Variants in CYP24A1 observed in about 807,000 individuals in gnomAD.
CYP24A1 encodes 1,25-dihydroxyvitamin D(3) 24-hydroxylase, mitochondrial.
Under a neutral mutation model 62.4 loss-of-function variants are expected in CYP24A1, and 68 were observed. The observed-to-expected ratio is 1.09, with a 90% confidence interval of 0.90 to 1.33. The LOEUF is 1.33. CYP24A1 is among the 40% of genes most tolerant of loss of function. The pLI is 0.00. For synonymous variants in CYP24A1, 267 were observed against 253.0 expected, an observed-to-expected ratio of 1.06 and a Z score of -0.52; for missense variants, 787 against 653.0, an observed-to-expected ratio of 1.21 and a Z score of -2.24.
chr20:54,173,194 G>T lies in CYP24A1; in HGVS notation c.259-95C>A. 6.5e-7 allele frequency: 1 copy of T among 1,531,452 alleles called. No individual in the cohort carries two copies. Among genetic ancestry groups the T allele is most frequent in the Non-Finnish European group, 9.0e-7 (1 of 1,116,442 alleles). 94.9% of individuals were successfully genotyped at this position (1,531,452 alleles called of 1,614,324 possible). A position where few individuals can be genotyped will look rare whatever the true frequency, so the allele number is the denominator to read the frequency against. ...CCCGCCTCCTTCCTCCTAGGGGACC[G>T]GGGACCCTCCCTGCCCAGACGCCGA... On this transcript the variant is annotated intron_variant, in intron 1 of 11. Coordinates refer to ENST00000216862, the MANE Select transcript of CYP24A1 (RefSeq NM_000782.5). The surrounding 1 kb of genome is among the most constrained non-coding windows in gnomAD (Gnocchi z 7.2).
At chr20:54,170,283 A>G (rs985205428) in intron 3 of CYP24A1, among the ~76,000 whole-genome samples, 1 of 152,248 alleles carries the variant, frequency 6.6e-6, no homozygotes, top group Non-Finnish European at 1.5e-5. Context: ...CTCACATTTA[A>G]TGAGGTCCAT....
Position 54,173,931 on chromosome 20 carries a change from TC to T in CYP24A1, c.-353del, listed in dbSNP as rs139947227. 5,879 of 373,300 alleles carry T rather than the reference TC, an allele frequency of 0.016. 65 individuals are homozygous for T. Among genetic ancestry groups the T allele is most frequent in the Middle Eastern group, 0.031 (40 of 1,300 alleles). 23.1% of individuals were successfully genotyped at this position (373,300 alleles called of 1,614,324 possible). ...GTCTGGCTGGAGCCACGGGGAGGTG[TC>T]AAGGAGGGTAGATGAGATGCTGCTG... On this transcript the variant is annotated 5_prime_UTR_variant, in exon 1 of 12. An upstream open reading frame in the 5' UTR loses its in-frame stop. Transcript: ENST00000216862. This position sits in a 1 kb window ranked among gnomAD's most constrained non-coding sequence, Gnocchi z 7.2.
chr20:54,169,798 C>T, intron 3 of CYP24A1, 110 bp from the exon 4 acceptor site: 4 of 1,553,448 alleles, frequency 2.6e-6, no homozygotes, highest in Non-Finnish European at 3.5e-6. Context: ...TATTCACTGG[C>T]CATAATGTTA....
intron 5 of CYP24A1, among the ~76,000 whole-genome samples, chr20:54,165,012 CA>C (rs2092666299): frequency 6.6e-6 from 1 of 152,160 alleles, no homozygotes; most frequent in Admixed American, 6.5e-5. Context: ...TATTTTTAAT[CA>C]ACTGATCTTT....
rs35309134 is a variant in CYP24A1, at chr20:54,171,541, C to T, written c.543+36G>A. The T allele has an allele frequency of 1.7e-4, 273 of 1,613,762 alleles. 4 individuals are homozygous for T. In the African/African-American group the frequency reaches 3.1e-3, roughly 18 times the overall value. On this transcript the variant is annotated intron_variant, in intron 3 of 11. Transcript: ENST00000216862. ...AGCTCCACCAATATCCCTATGTCCCCACGAGCCCCAGGAAAGCTGGCCCCA... is the reference window on the plus strand; with the variant it reads ...AGCTCCACCAATATCCCTATGTCCCTACGAGCCCCAGGAAAGCTGGCCCCA...
In CYP24A1 at chr20:54,154,664, G is replaced by T. The variant is rs546776255; in HGVS notation, c.*108C>A. 2.8e-4 allele frequency: 43 copies of T among 155,260 alleles called. No homozygotes were observed. Among genetic ancestry groups the T allele is most frequent in the African/African-American group, 1.0e-3 (42 of 41,598 alleles). The allele number at this position is 155,260 out of a possible 1,614,324, so 9.6% of individuals were successfully genotyped here. A position where few individuals can be genotyped will look rare whatever the true frequency, so the allele number is the denominator to read the frequency against. ...GCACCTGAAGATGGTGCTGACACAG[G>T]TGAAGTGTAAACCAGCAGTGAACCC... On this transcript the variant is annotated 3_prime_UTR_variant, in exon 12 of 12. Transcript: ENST00000216862.
chr20:54,164,435 G>C lies in CYP24A1; in HGVS notation c.844+17C>G. On this transcript the variant is annotated intron_variant, in intron 6 of 11. Coordinates refer to ENST00000216862, the MANE Select transcript of CYP24A1 (RefSeq NM_000782.5). Reference sequence around the variant, plus strand: ...TGCTGGGCTGGTTCTGGCTGGTTGTGAAGGGCGGCCCTTTACCTGATTTGA... The same window carrying C: ...TGCTGGGCTGGTTCTGGCTGGTTGTCAAGGGCGGCCCTTTACCTGATTTGA... 1.2e-6 allele frequency: 2 copies of C among 1,614,058 alleles called. No individual in the cohort carries two copies. Among genetic ancestry groups the C allele is most frequent in the Non-Finnish European group, 1.7e-6 (2 of 1,180,008 alleles).
chr20:54,173,876 T>G lies in CYP24A1; in HGVS notation c.-297A>C. On this transcript the variant is annotated 5_prime_UTR_variant, in exon 1 of 12. Transcript: ENST00000216862. The surrounding 1 kb of genome is among the most constrained non-coding windows in gnomAD (Gnocchi z 7.2). The stretch of plus-strand genomic sequence containing the variant: ...CTTGAAAAGGGAAAGCTGGGAGTCC[T>G]CCTGTTGGTCCGCAAGGCTGACCTC... 2.0e-6 allele frequency: 1 copy of G among 497,826 alleles called. No homozygotes were observed. Among genetic ancestry groups the G allele is most frequent in the South Asian group, 2.5e-5 (1 of 39,708 alleles). 30.8% of individuals were successfully genotyped at this position (497,826 alleles called of 1,614,324 possible). A position where few individuals can be genotyped will look rare whatever the true frequency, so the allele number is the denominator to read the frequency against.
At chr20:54,169,487 C>T (rs776126835) in intron 4 of CYP24A1, 105 bp downstream of exon 4, 3 of 1,582,134 alleles carry the variant, frequency 1.9e-6, no homozygotes, top group African/African-American at 1.4e-5. Context: ...TGGCCTTTCC[C>T]TAGGCAGCAA....
chr20:54,158,130 G>A lies in CYP24A1; in HGVS notation c.1192C>T (p.Leu398Phe). 1 of 1,614,006 alleles carries A rather than the reference G, an allele frequency of 6.2e-7. No homozygotes were observed. Among genetic ancestry groups the A allele is most frequent in the Non-Finnish European group, 8.5e-7 (1 of 1,180,014 alleles). ...TPSVPFTTRT[L>F]DKATVLGEYA... ...TCACCCAGAACTGTTGCCTTGTCAA[G>A]AGTCCGAGTTGTAAATGGTACACTC... The change falls in exon 9 of 12, where the codon CTT (leucine) becomes TTT (phenylalanine). Residue 398 changes from leucine (L) to phenylalanine (F), a missense_variant. Physicochemically the swap from Leu to Phe is conservative, Grantham distance 22. Transcript: ENST00000216862.
At chr20:54,155,305 A>G (rs989125636) in intron 11 of CYP24A1, among the ~76,000 whole-genome samples, 1 of 152,184 alleles carries the variant, frequency 6.6e-6, no homozygotes, top group Non-Finnish European at 1.5e-5. Context: ...CAATAAGCAA[A>G]TGCTCCTTAA....
chr20:54,170,312 C>T (rs1188885005), intron 3 of CYP24A1, among the ~76,000 whole-genome samples: 5 of 152,052 alleles, frequency 3.3e-5, no homozygotes, highest in East Asian at 1.9e-4. Flanking sequence ...AAACACTGTA[C>T]GAAGTGTATT....
rs1568965290 is a variant in CYP24A1 at position 54,157,231 on chromosome 20, G to A, written c.1493C>T (p.Ser498Leu). The A allele has an allele frequency of 3.1e-6, 5 of 1,613,550 alleles. 1 individual carries two copies. The South Asian group carries it at 5.5e-5, about 18-fold the overall frequency. ...TDNEPVEMLH[S>L]GTLVPSRELP... ...TTCCCGGCTGGGCACCAGGGTGCCT[G>A]AGTGTAGCATCTCAACAGGCTCATT... Residue 498 changes from serine (S) to leucine (L), a missense_variant, in exon 11 of 12, where the codon TCA becomes TTA. Physicochemically the swap from Ser to Leu is moderately radical, Grantham distance 145. Coordinates refer to ENST00000216862, the MANE Select transcript of CYP24A1 (RefSeq NM_000782.5).
intron 5 of CYP24A1, among the ~76,000 whole-genome samples, chr20:54,165,268 T>C (rs1482027650): frequency 1.3e-5 from 2 of 152,226 alleles, no homozygotes; most frequent in African/African-American, 4.8e-5. Context: ...GTGTGAACCC[T>C]ATTGTGAATT....
At position 54,162,831 on chromosome 20, in the gene CYP24A1, C is replaced by A; in HGVS notation, c.876G>T (p.Lys292Asn). ...VKACIDNRLEKYSQQPSADFL... is the reference protein window; with the variant it reads ...VKACIDNRLENYSQQPSADFL... ...AATCTGCACTAGGCTGCTGAGAATA[C>A]TTCTCTAACCGGTTGTCGATACAAG... Residue 292 changes from lysine to asparagine, a missense_variant, in exon 7 of 12, where the codon AAG becomes AAT. Transcript: ENST00000216862. 6.4e-7 allele frequency: 1 copy of A among 1,570,828 alleles called. No individual in the cohort carries two copies. Among genetic ancestry groups the A allele is most frequent in the Non-Finnish European group, 8.8e-7 (1 of 1,140,662 alleles).
At chr20:54,158,599 C>G (rs1410709472) in intron 8 of CYP24A1, among the ~76,000 whole-genome samples, 2 of 152,136 alleles carry the variant, frequency 1.3e-5, no homozygotes, top group African/African-American at 4.8e-5. Context: ...ATACCAGAGG[C>G]TCAAAAGCAA....
At chr20:54,144,045 G>T in the CYP24A1 span, among the ~76,000 whole-genome samples, 19 of 152,284 alleles carry the variant, frequency 1.2e-4, no homozygotes, top group African/African-American at 4.3e-4. Context: ...CTGAAGTGGT[G>T]GCAAACATCT....
At chr20:54,164,387 C>T in intron 6 of CYP24A1, 65 bp downstream of exon 6, 1 of 1,613,044 alleles carries the variant, frequency 6.2e-7, no homozygotes, top group Non-Finnish European at 8.5e-7. Flanking sequence ...CAGACCTCCT[C>T]TCTGAAGCTC....
chr20:54,144,262 G>C, the CYP24A1 span, among the ~76,000 whole-genome samples: 4 of 149,122 alleles, frequency 2.7e-5, no homozygotes, highest in African/African-American at 9.9e-5. Flanking sequence ...ACAGGCTAGA[G>C]TCCGGTGACA....
Sources: allele counts gnomAD v4.1 joint callset (sites outside exome capture counted in the v4.1 genomes callset), GRCh38; gene constraint gnomAD v4.1.1; non-coding constraint Gnocchi (gnomAD v3.1); transcripts MANE v1.5; gene names NCBI Gene and HGNC (gene_info 2026-07-23, HGNC 2026-07-21).